The following MAP7 variants were observed in gnomAD, a reference collection of about 807,000 sequenced individuals.
MAP7 encodes microtubule associated protein 7, also known as ensconsin.
In MAP7, 52 loss-of-function variants were observed where a neutral mutation model predicts 94.8. The observed-to-expected ratio is 0.55, with a 90% confidence interval of 0.44 to 0.69. The LOEUF (loss-of-function observed/expected upper bound fraction) is 0.69, where lower values mean the gene tolerates loss of function less well. MAP7 is among the 30% of genes least tolerant of loss of function. The probability of loss-of-function intolerance (pLI) is 0.00; values close to 1 mark genes in which losing one functional copy is unlikely to be tolerated. For synonymous variants in MAP7, 350 were observed against 357.0 expected, an observed-to-expected ratio of 0.98 and a Z score of 0.22; for missense variants, 940 against 964.6, an observed-to-expected ratio of 0.97 and a Z score of 0.34.
chr6:136,466,920 G>A, intron 1 of MAP7: 1 of 1,440,942 alleles, frequency 6.9e-7, no homozygotes, highest in South Asian at 1.5e-5. Flanking sequence ...CTCTCACACA[G>A]CTTGAGGTAG....
chr6:136,403,333 T>G (rs1784706282), intron 3 of MAP7, among the ~76,000 whole-genome samples: 1 of 152,228 alleles, frequency 6.6e-6, no homozygotes, highest in Non-Finnish European at 1.5e-5. Flanking sequence ...TTATAGGCAT[T>G]GTCTTTGCAG....
chr6:136,423,339 T>C (rs1792002718), intron 1 of MAP7, among the ~76,000 whole-genome samples: 1 of 152,192 alleles, frequency 6.6e-6, no homozygotes, highest in Non-Finnish European at 1.5e-5. Flanking sequence ...TTAAACGAGA[T>C]AACGTACAGA....
intron 2 of MAP7, among the ~76,000 whole-genome samples, chr6:136,418,778 C>G (rs3778299): frequency 4.0e-5 from 6 of 151,800 alleles, no homozygotes; most frequent in African/African-American, 1.5e-4. Context: ...AAATGAAAAT[C>G]AACAAAATGC....
intron 7 of MAP7, among the ~76,000 whole-genome samples, chr6:136,372,828 TATG>T (rs764585581): frequency 6.6e-6 from 1 of 152,176 alleles, no homozygotes; most frequent in East Asian, 1.9e-4. Flanking sequence ...CCTATGAATT[TATG>T]ATGAGTCCAA....
intron 1 of MAP7, among the ~76,000 whole-genome samples, chr6:136,455,243 G>A: frequency 6.6e-6 from 1 of 151,912 alleles, no homozygotes; most frequent in East Asian, 1.9e-4. Flanking sequence ...GTGTTATAAA[G>A]AATATTATAT....
intron 1 of MAP7, among the ~76,000 whole-genome samples, chr6:136,444,805 C>T (rs920656910): frequency 1.3e-5 from 2 of 152,184 alleles, no homozygotes; most frequent in African/African-American, 4.8e-5. Context: ...TCCATAGGTG[C>T]TTCAAGCTTT....
rs17796246 is a variant in MAP7, at chr6:136,527,375, T to C, written c.67+22967A>G. 7.1e-3 allele frequency among the ~76,000 whole-genome samples: 1,083 copies of C among 152,324 alleles called. 15 individuals are homozygous for C. The highest frequency in any genetic ancestry group is 0.025 in the African/African-American group (1,035 of 41,574). ...CTTTTGTGTTTTAATAAAAATCAAG[T>C]CTGCTTAGCAAGTCAAAAGCAATCC... On this transcript the variant is annotated intron_variant, in intron 1 of 17. Transcript: ENST00000354570.
intron 1 of MAP7, among the ~76,000 whole-genome samples, chr6:136,437,622 G>A (rs1796722433): frequency 6.6e-6 from 1 of 152,088 alleles, no homozygotes; most frequent in Non-Finnish European, 1.5e-5. Flanking sequence ...TCAATTTTTA[G>A]GGATACAGAC....
At chr6:136,507,351 G>T (rs1187491706) in intron 1 of MAP7, among the ~76,000 whole-genome samples, 2 of 151,688 alleles carry the variant, frequency 1.3e-5, no homozygotes, top group Admixed American at 6.6e-5. Context: ...AGGACGGGAA[G>T]GGGGGTAGTA....
At chr6:136,413,031 G>A (rs1382674394) in intron 2 of MAP7, among the ~76,000 whole-genome samples, 4 of 152,062 alleles carry the variant, frequency 2.6e-5, no homozygotes, top group African/African-American at 7.2e-5. Flanking sequence ...GTATGGCAGC[G>A]TGCGCCTGTA....
Position 136,361,177 on chromosome 6 carries a change from T to C in MAP7, c.1529A>G (p.Gln510Arg). Residue 510 changes from glutamine to arginine, a missense_variant and splice_region_variant, in exon 12 of 18, where the codon CAA becomes CGA. Coordinates refer to ENST00000354570, the MANE Select transcript of MAP7 (RefSeq NM_003980.6). ...ERREQEELER[Q>R]KREELAQRVA... is the part of the protein sequence containing the mutation. ...ACGTTGAGCCAATTCCTCTCTCTTT[T>C]GTCTGGAAAAAGACAGAACAAAACC... is the stretch of plus-strand genomic sequence containing the variant. The C allele has an allele frequency of 6.2e-7, 1 of 1,602,386 alleles. No homozygotes were observed. The highest frequency in any genetic ancestry group is 1.1e-5 in the South Asian group (1 of 91,084).
intron 1 of MAP7, chr6:136,466,939 GA>G: frequency 1.4e-6 from 2 of 1,404,898 alleles, no homozygotes; most frequent in Non-Finnish European, 1.9e-6. Flanking sequence ...AGCTCAAGAG[GA>G]GAGCAAAGGG....
chr6:136,385,864 G>A (rs1022334685), intron 5 of MAP7, among the ~76,000 whole-genome samples: 3 of 152,146 alleles, frequency 2.0e-5, no homozygotes, highest in African/African-American at 7.2e-5. Flanking sequence ...TCCATCTCCT[G>A]GGCTCAAGCA....
chr6:136,497,668 A>C (rs1818671653), intron 1 of MAP7, among the ~76,000 whole-genome samples: 1 of 151,602 alleles, frequency 6.6e-6, no homozygotes, highest in Non-Finnish European at 1.5e-5. Flanking sequence ...GCGTGGTGGC[A>C]CACATCTGTA....
intron 16 of MAP7, among the ~76,000 whole-genome samples, chr6:136,354,230 A>T (rs1790143248): frequency 6.9e-6 from 1 of 145,238 alleles, no homozygotes; most frequent in Admixed American, 6.9e-5. Flanking sequence ...AAATTCTTTT[A>T]AATTCCTATA....
At chr6:136,523,360 G>A (rs1413936552) in intron 1 of MAP7, among the ~76,000 whole-genome samples, 1 of 152,192 alleles carries the variant, frequency 6.6e-6, no homozygotes, top group Non-Finnish European at 1.5e-5. Flanking sequence ...CCAGAACTGT[G>A]TTGTCCAATA....
At chr6:136,417,776 CCG>C (rs1344032788) in intron 2 of MAP7, among the ~76,000 whole-genome samples, 3 of 152,150 alleles carry the variant, frequency 2.0e-5, no homozygotes, top group Admixed American at 6.5e-5. Flanking sequence ...TACAATTGCA[CCG>C]TGTGGCATCA....
chr6:136,407,246 G>C (rs1029662138), intron 3 of MAP7, among the ~76,000 whole-genome samples: 1 of 152,144 alleles, frequency 6.6e-6, no homozygotes, highest in Non-Finnish European at 1.5e-5. Flanking sequence ...AGAGACCACA[G>C]TCATATTCTT....
intron 1 of MAP7, among the ~76,000 whole-genome samples, chr6:136,490,181 G>T (rs1816130197): frequency 6.6e-6 from 1 of 152,054 alleles, no homozygotes; most frequent in African/African-American, 2.4e-5. Context: ...AACCCAAAGA[G>T]CCAAGAATAG....
Sources: gnomAD v4.1 joint callset for allele counts (sites outside exome capture counted in the v4.1 genomes callset) on GRCh38, gnomAD v4.1.1 for gene constraint, MANE v1.5 for transcripts, NCBI Gene and HGNC (gene_info 2026-07-23, HGNC 2026-07-21) for gene names.